The following TDRD7 variants were observed in gnomAD, a reference collection of about 807,000 sequenced individuals.
The protein encoded by TDRD7 is tudor domain-containing protein 7.
Under a neutral mutation model 109.8 loss-of-function variants are expected in TDRD7, and 47 were observed. That is an observed-to-expected ratio of 0.43 (90% confidence interval 0.34 to 0.55). The LOEUF is 0.55. Ranked by LOEUF, TDRD7 falls within the 20% of genes least tolerant of loss-of-function variation. TDRD7 has a pLI of 0.03. For missense variants in TDRD7, 1,164 were observed against 1,319.2 expected, an observed-to-expected ratio of 0.88 and a Z score of 1.82; for synonymous variants, 424 against 457.3, an observed-to-expected ratio of 0.93 and a Z score of 0.93.
intron 8 of TDRD7, among the ~76,000 whole-genome samples, chr9:97,470,109 A>G (rs1014704311): frequency 2.0e-5 from 3 of 152,228 alleles, no homozygotes; most frequent in African/African-American, 4.8e-5. Flanking sequence ...GATAAATACC[A>G]CAAGGATGAT....
In TDRD7 at chr9:97,458,242, G is replaced by A. The variant is rs1481186986; in HGVS notation, c.856-1936G>A. Among the ~76,000 whole-genome samples, 6 of 152,204 alleles carry A rather than the reference G, an allele frequency of 3.9e-5. No individual in the cohort carries two copies. The East Asian group carries it at 5.8e-4, about 15-fold the overall frequency. ...ACGTTTCTGAGAATGTATTCCCATC[G>A]TTAAGTGATGCATGACTGACTACAC... On this transcript the variant is annotated intron_variant, in intron 6 of 16. Coordinates refer to ENST00000355295, the MANE Select transcript of TDRD7 (RefSeq NM_014290.3).
chr9:97,437,304 G>A (rs1828219699), intron 4 of TDRD7, among the ~76,000 whole-genome samples: 1 of 152,162 alleles, frequency 6.6e-6, no homozygotes, highest in African/African-American at 2.4e-5. Flanking sequence ...TCTGCTTTCA[G>A]TCCTACTCAC....
intron 7 of TDRD7, among the ~76,000 whole-genome samples, chr9:97,462,091 ATGTT>A (rs1828734568): frequency 6.6e-6 from 1 of 152,194 alleles, no homozygotes; most frequent in African/African-American, 2.4e-5. Context: ...AGGTCCCAAT[ATGTT>A]TCACTATTGT....
intron 1 of TDRD7, among the ~76,000 whole-genome samples, chr9:97,427,901 T>C (rs899815894): frequency 5.8e-4 from 88 of 152,280 alleles, no homozygotes; most frequent in Non-Finnish European, 8.1e-4. Context: ...ATCATTTTTT[T>C]CCCCTATTTA....
chr9:97,463,713 A>C (rs1259005627), intron 7 of TDRD7, among the ~76,000 whole-genome samples: 2 of 152,234 alleles, frequency 1.3e-5, no homozygotes, highest in Non-Finnish European at 2.9e-5. Context: ...CCTGGACGAA[A>C]TCATCTCTGA....
At chr9:97,450,205 C>G (rs1828467107) in intron 6 of TDRD7, among the ~76,000 whole-genome samples, 1 of 152,140 alleles carries the variant, frequency 6.6e-6, no homozygotes. Context: ...AGTTACAAGT[C>G]ATGCTAGTTC....
intron 11 of TDRD7, 35 bp downstream of exon 11, chr9:97,473,661 C>T (rs756375193): frequency 1.3e-4 from 211 of 1,612,582 alleles, no homozygotes; most frequent in Middle Eastern, 1.7e-4. Context: ...TAAAATTAGC[C>T]CTAAAATTAC....
In TDRD7 at chr9:97,412,679, C is replaced by T. The variant is rs1232051336; in HGVS notation, c.-7+441C>T. Reference sequence around the variant, plus strand: ...GGATGTCCGCGCTCCCCTATTTGAACCCAAGTATTTTACACCACGAACTTC... The same window carrying T: ...GGATGTCCGCGCTCCCCTATTTGAATCCAAGTATTTTACACCACGAACTTC... On this transcript the variant is annotated intron_variant, in intron 1 of 16. Coordinates refer to ENST00000355295, the MANE Select transcript of TDRD7 (RefSeq NM_014290.3). This position sits in a 1 kb window ranked among gnomAD's most constrained non-coding sequence, Gnocchi z 4.3. Among the ~76,000 whole-genome samples the T allele has an allele frequency of 2.0e-5, 3 of 152,204 alleles. No homozygotes were observed. Among genetic ancestry groups the T allele is most frequent in the Admixed American group, 6.5e-5 (1 of 15,288 alleles).
At chr9:97,493,681 G>A (rs182610985) in intron 16 of TDRD7, among the ~76,000 whole-genome samples, 62 of 152,278 alleles carry the variant, frequency 4.1e-4, no homozygotes, top group African/African-American at 1.4e-3. Context: ...CACTACAGGA[G>A]ACTGGGGCTT....
intron 6 of TDRD7, among the ~76,000 whole-genome samples, chr9:97,452,217 A>G (rs1828508905): frequency 6.6e-6 from 1 of 152,192 alleles, no homozygotes; most frequent in Non-Finnish European, 1.5e-5. Context: ...CAGCCTTAAC[A>G]AAAAGAGAGA....
Position 97,473,631 on chromosome 9 carries a change from A to G in TDRD7, c.2079+5A>G. On this transcript the variant is annotated splice_donor_5th_base_variant and intron_variant, in intron 11 of 16. Coordinates refer to ENST00000355295, the MANE Select transcript of TDRD7 (RefSeq NM_014290.3). ...GAGGACTACTTCCATTGCAAGGTATAGCAGAACCTCTTCTACCTCTAAAAT... is the reference window on the plus strand; with the variant it reads ...GAGGACTACTTCCATTGCAAGGTATGGCAGAACCTCTTCTACCTCTAAAAT... 3 of 1,613,650 alleles carry G rather than the reference A, an allele frequency of 1.9e-6. No individual in the cohort carries two copies. Among genetic ancestry groups the G allele is most frequent in the Non-Finnish European group, 2.5e-6 (3 of 1,179,682 alleles).
At chr9:97,495,637 C>T (rs373125170) in intron 16 of TDRD7, 26 bp from the exon 17 acceptor site, 1 of 1,601,948 alleles carries the variant, frequency 6.2e-7, no homozygotes, top group South Asian at 1.1e-5. Context: ...CCTCACTGCT[C>T]CCTCTTCTTC....
intron 4 of TDRD7, 28 bp from the exon 5 acceptor site, chr9:97,439,217 T>G: frequency 6.5e-7 from 1 of 1,539,890 alleles, no homozygotes; most frequent in Non-Finnish European, 8.7e-7. Context: ...TTACATTTAT[T>G]TTACTTTTTT....
intron 12 of TDRD7, among the ~76,000 whole-genome samples, chr9:97,475,923 A>T (rs992245145): frequency 6.6e-6 from 1 of 152,126 alleles, no homozygotes; most frequent in Non-Finnish European, 1.5e-5. Context: ...ATTCATGTTG[A>T]TGTGTGCAGC....
chr9:97,447,181 G>C (rs1828415697), intron 6 of TDRD7, among the ~76,000 whole-genome samples: 1 of 152,148 alleles, frequency 6.6e-6, no homozygotes. Context: ...AGAAGTTGCT[G>C]TTCTGGAACT....
chr9:97,435,625 G>GA (rs1828182139), intron 4 of TDRD7, among the ~76,000 whole-genome samples: 1 of 100,664 alleles, frequency 9.9e-6, no homozygotes, highest in African/African-American at 4.2e-5. Flanking sequence ...GACAGGGTAA[G>GA]ACCCTCTTAA....
chr9:97,435,687 A>G (rs1828184271), intron 4 of TDRD7, among the ~76,000 whole-genome samples: 1 of 152,076 alleles, frequency 6.6e-6, no homozygotes, highest in South Asian at 2.1e-4. Context: ...GTTGTAAAAC[A>G]TTTTAATCAA....
At chr9:97,460,088 A>C in intron 6 of TDRD7, 90 bp from the exon 7 acceptor site, 1 of 1,108,556 alleles carries the variant, frequency 9.0e-7, no homozygotes, top group African/African-American at 1.5e-5. Flanking sequence ...TGGAAACAGC[A>C]TGACTCTCAA....
chr9:97,430,982 T>A lies in TDRD7; in HGVS notation c.257T>A (p.Leu86His). 1 of 1,613,938 alleles carries A rather than the reference T, an allele frequency of 6.2e-7. No individual in the cohort carries two copies. The highest frequency in any genetic ancestry group is 2.2e-5 in the East Asian group (1 of 44,872). ...ACTETARIAQLVARQRSSKRK... is the reference protein window; with the variant it reads ...ACTETARIAQHVARQRSSKRK... ...ACAGAAACTGCAAGAATTGCTCAGCTTGTGGCTCGTCAAAGGAGTTCTAAA... is the reference window on the plus strand; with the variant it reads ...ACAGAAACTGCAAGAATTGCTCAGCATGTGGCTCGTCAAAGGAGTTCTAAA... Residue 86 changes from leucine to histidine, a missense_variant, in exon 3 of 17, where the codon CTT (leucine) becomes CAT (histidine). By Grantham distance (99) the Leu-to-His change is moderately conservative. Transcript: ENST00000355295.
Sources: allele counts gnomAD v4.1 joint callset (sites outside exome capture counted in the v4.1 genomes callset), GRCh38; gene constraint gnomAD v4.1.1; non-coding constraint Gnocchi (gnomAD v3.1); transcripts MANE v1.5; gene names NCBI Gene and HGNC (gene_info 2026-07-23, HGNC 2026-07-21).